Variants in TBX15 observed in about 807,000 individuals in gnomAD.
TBX15 encodes T-box transcription factor 15.
A neutral mutation model predicts 53.9 loss-of-function variants in TBX15; 18 were observed. That is an observed-to-expected ratio of 0.33 (90% CI 0.23 to 0.49). TBX15 has a LOEUF of 0.49. Among genes scored for constraint, TBX15 ranks in the 20% least tolerant of loss-of-function variants. TBX15 has a pLI of 0.98. For missense variants in TBX15, 692 were observed against 749.5 expected (o/e 0.92, Z 0.90); for synonymous variants, 295 against 278.0 (o/e 1.06, Z -0.61).
chr1:118,903,607 G>A (rs1480573066), intron 6 of TBX15, among the ~76,000 whole-genome samples: 5 of 152,178 alleles, frequency 3.3e-5, no homozygotes, highest in Admixed American at 6.5e-5. Flanking sequence ...CAAAGACAAC[G>A]TATGCTATAG....
chr1:118,970,542 C>T (rs967013452), intron 1 of TBX15, among the ~76,000 whole-genome samples: 4 of 152,188 alleles, frequency 2.6e-5, no homozygotes, highest in Admixed American at 6.5e-5. Flanking sequence ...AGCAGGAAGG[C>T]AGGTCATAAG....
At chr1:118,889,174 A>C in intron 7 of TBX15, among the ~76,000 whole-genome samples, 1 of 152,218 alleles carries the variant, frequency 6.6e-6, no homozygotes, top group East Asian at 1.9e-4. Context: ...GCTCTTGTGA[A>C]CATAAAGTAC....
At chr1:118,899,861 C>A (rs569535055) in intron 6 of TBX15, among the ~76,000 whole-genome samples, 9 of 152,144 alleles carry the variant, frequency 5.9e-5, no homozygotes, top group African/African-American at 1.9e-4. Context: ...CAACATTTTA[C>A]GAGTACATTC....
In TBX15 at chr1:118,890,032, C is replaced by T. The variant is rs576079127; in HGVS notation, c.1025-4516G>A. On this transcript the variant is annotated intron_variant, in intron 7 of 7. Coordinates refer to ENST00000369429, the MANE Select transcript of TBX15 (RefSeq NM_001330677.2). ...ATGAGAATGGCTCTGCGGTGTTGGC[C>T]TCTGTCTGTGGAGCTAAGCATCTTG... is the stretch of plus-strand genomic sequence containing the variant. Among the ~76,000 whole-genome samples, 5 of 152,262 alleles carry T rather than the reference C, an allele frequency of 3.3e-5. No homozygotes were observed. In the East Asian group the frequency reaches 9.7e-4, roughly 29 times the overall value.
intron 1 of TBX15, among the ~76,000 whole-genome samples, chr1:118,937,767 C>G (rs1257704029): frequency 1.3e-5 from 2 of 152,334 alleles, no homozygotes; most frequent in South Asian, 4.1e-4. Context: ...CTGCCAAATA[C>G]TGGTACACAA....
At chr1:118,957,900 T>C (rs1250423529) in intron 1 of TBX15, among the ~76,000 whole-genome samples, 2 of 152,208 alleles carry the variant, frequency 1.3e-5, no homozygotes, top group African/African-American at 4.8e-5. Flanking sequence ...GTTACAAGTC[T>C]TTGCTGTTGT....
intron 7 of TBX15, among the ~76,000 whole-genome samples, chr1:118,891,625 T>C (rs1245147170): frequency 6.6e-6 from 1 of 152,198 alleles, no homozygotes; most frequent in Non-Finnish European, 1.5e-5. Context: ...AAGACAATTA[T>C]ACTCAATGAG....
At chr1:118,927,906 T>A (rs150334291) in intron 2 of TBX15, among the ~76,000 whole-genome samples, 139 of 152,354 alleles carry the variant, frequency 9.1e-4, no homozygotes, top group Middle Eastern at 6.8e-3. Context: ...AGGCTACTTG[T>A]ATGCAAAATG....
Position 118,884,876 on chromosome 1 carries a change from C to T in TBX15, c.1665G>A (p.Arg555=). Residue 555 remains arginine (R), a synonymous_variant, in exon 8 of 8, where the codon AGG becomes AGA. Coordinates refer to ENST00000369429, the MANE Select transcript of TBX15 (RefSeq NM_001330677.2). ...SSPSNGAFGE[R]QYLPSGMEHS... ...GCTCCATCCCTGACGGCAGGTACTG[C>T]CTCTCTCCAAAGGCCCCGTTGGAAG... 6.2e-7 allele frequency: 1 copy of T among 1,614,184 alleles called. No homozygotes were observed. Among genetic ancestry groups the T allele is most frequent in the Non-Finnish European group, 8.5e-7 (1 of 1,180,030 alleles).
At chr1:118,895,905 C>T (rs1654408019) in intron 7 of TBX15, among the ~76,000 whole-genome samples, 1 of 152,180 alleles carries the variant, frequency 6.6e-6, no homozygotes, top group South Asian at 2.1e-4. Flanking sequence ...AGGAAACTGT[C>T]CTGTCAAATA....
At chr1:118,971,443 C>G (rs1206193619) in intron 1 of TBX15, among the ~76,000 whole-genome samples, 1 of 152,196 alleles carries the variant, frequency 6.6e-6, no homozygotes, top group Non-Finnish European at 1.5e-5. Flanking sequence ...TAAAGTTTGA[C>G]AACCACCAAT....
At position 118,885,280 on chromosome 1, in the gene TBX15, A is replaced by T. The variant is rs1008919471; in HGVS notation, c.1261T>A (p.Tyr421Asn). 1.2e-6 allele frequency: 2 copies of T among 1,614,092 alleles called. No individual in the cohort carries two copies. The highest frequency in any genetic ancestry group is 2.2e-5 in the South Asian group (2 of 91,068). ...GTGGTGCCACTCTGAAGCCTGTTGTAGCCACTGTCACTCAGCCCTGGGTAG... is the reference window on the plus strand; with the variant it reads ...GTGGTGCCACTCTGAAGCCTGTTGTTGCCACTGTCACTCAGCCCTGGGTAG... ...QSYPGLSDSG[Y>N]NRLQSGTTSA... Residue 421 changes from tyrosine (Y) to asparagine (N), a missense_variant, in exon 8 of 8, where the codon TAC becomes AAC. Physicochemically the swap from Tyr to Asn is moderately radical, Grantham distance 143 (BLOSUM62 -2). Coordinates refer to ENST00000369429, the MANE Select transcript of TBX15 (RefSeq NM_001330677.2).
chr1:118,943,916 TAGAG>T (rs756290311), intron 1 of TBX15, among the ~76,000 whole-genome samples: 14 of 152,090 alleles, frequency 9.2e-5, no homozygotes, highest in Middle Eastern at 6.8e-3. Context: ...CCAGAAATAT[TAGAG>T]AGAACAAATG....
At chr1:118,909,732 G>A (rs992295768) in intron 6 of TBX15, among the ~76,000 whole-genome samples, 13 of 152,104 alleles carry the variant, frequency 8.5e-5, no homozygotes, top group Non-Finnish European at 1.2e-4. Flanking sequence ...ACAGGCACGC[G>A]CCACCATGCC....
intron 2 of TBX15, among the ~76,000 whole-genome samples, chr1:118,926,829 C>T (rs1360802408): frequency 6.6e-6 from 1 of 152,132 alleles, no homozygotes; most frequent in East Asian, 1.9e-4. Flanking sequence ...CCTTAGCCTC[C>T]CGAGTAGCTG....
At chr1:118,967,160 T>C (rs1571211677) in intron 1 of TBX15, among the ~76,000 whole-genome samples, 1 of 152,164 alleles carries the variant, frequency 6.6e-6, no homozygotes, top group East Asian at 1.9e-4. Flanking sequence ...ACCATCACTG[T>C]GGTATTCTGT....
At chr1:118,968,182 C>G (rs529758271) in intron 1 of TBX15, among the ~76,000 whole-genome samples, 102 of 152,108 alleles carry the variant, frequency 6.7e-4, no homozygotes, top group Non-Finnish European at 1.1e-3. Context: ...GTTTTCCAAA[C>G]CTGGCTGTCC....
At chr1:118,921,621 G>C (rs970106130) in intron 5 of TBX15, among the ~76,000 whole-genome samples, 1 of 152,112 alleles carries the variant, frequency 6.6e-6, no homozygotes, top group Non-Finnish European at 1.5e-5. Flanking sequence ...TAAAACCCAG[G>C]TCTCCAAATG....
At chr1:118,934,277 C>T (rs1054186432) in intron 1 of TBX15, among the ~76,000 whole-genome samples, 5 of 152,124 alleles carry the variant, frequency 3.3e-5, no homozygotes, top group African/African-American at 1.2e-4. Context: ...AGTGCTAACC[C>T]AGGTAACCTC....
Sources: gnomAD v4.1 joint callset for allele counts (sites outside exome capture counted in the v4.1 genomes callset) on GRCh38, gnomAD v4.1.1 for gene constraint, MANE v1.5 for transcripts, NCBI Gene and HGNC (gene_info 2026-07-23, HGNC 2026-07-21) for gene names.